ROBO1: variants seen among roughly 807,000 people sequenced by gnomAD.
ROBO1 encodes roundabout homolog 1.
Under a neutral mutation model 195.9 loss-of-function variants are expected in ROBO1, and 149 were observed. The ratio of observed to expected loss-of-function variants is 0.76; its 90% CI spans 0.67 to 0.87. The LOEUF is 0.87. ROBO1 is among the 40% of genes least tolerant of loss of function. The pLI, the probability that ROBO1 is intolerant of heterozygous loss-of-function variation, is 0.00. For synonymous variants in ROBO1, 816 were observed against 733.2 expected (o/e 1.11, Z -1.82); for missense variants, 1,933 against 2,068.3 (o/e 0.93, Z 1.27).
intron 2 of ROBO1, among the ~76,000 whole-genome samples, chr3:79,555,603 C>T (rs1359424932): frequency 2.6e-5 from 4 of 152,096 alleles, no homozygotes; most frequent in Non-Finnish European, 5.9e-5. Flanking sequence ...AGTTTCTGAA[C>T]TGCATTTTCA....
chr3:78,690,426 C>T (rs1350441008), intron 8 of ROBO1, among the ~76,000 whole-genome samples: 1 of 151,946 alleles, frequency 6.6e-6, no homozygotes, highest in Admixed American at 6.6e-5. Flanking sequence ...AGTTTAAGTT[C>T]AATTTGGTAA....
intron 2 of ROBO1, among the ~76,000 whole-genome samples, chr3:79,339,312 T>C (rs888841163): frequency 6.6e-6 from 1 of 152,216 alleles, no homozygotes; most frequent in South Asian, 2.1e-4. Context: ...AAAATCTTTG[T>C]AATGGACCGT....
chr3:78,997,499 G>A (rs984406711), intron 3 of ROBO1, among the ~76,000 whole-genome samples: 3 of 152,090 alleles, frequency 2.0e-5, no homozygotes, highest in African/African-American at 4.8e-5. Context: ...GTCATTAAAT[G>A]TTTGTTCAAT....
At chr3:79,629,004 T>C (rs1469348603) in intron 1 of ROBO1, among the ~76,000 whole-genome samples, 2 of 152,116 alleles carry the variant, frequency 1.3e-5, no homozygotes, top group African/African-American at 4.8e-5. Context: ...ATAAGGCAAA[T>C]GCTACTAGAA....
At chr3:78,843,027 C>T (rs921966592) in intron 4 of ROBO1, among the ~76,000 whole-genome samples, 2 of 151,908 alleles carry the variant, frequency 1.3e-5, no homozygotes, top group East Asian at 1.9e-4. Context: ...CAGCTCAATA[C>T]GATTGAAGTT....
chr3:79,292,855 T>C (rs2032340108), intron 2 of ROBO1, among the ~76,000 whole-genome samples: 1 of 152,218 alleles, frequency 6.6e-6, no homozygotes, highest in South Asian at 2.1e-4. Flanking sequence ...GTTGTGTCTC[T>C]GCCAGGTTTT....
intron 3 of ROBO1, among the ~76,000 whole-genome samples, chr3:79,039,554 T>C (rs964801829): frequency 6.6e-6 from 1 of 152,026 alleles, no homozygotes; most frequent in African/African-American, 2.4e-5. Context: ...TCCTAACACT[T>C]TGGGAGGCCG....
intron 1 of ROBO1, among the ~76,000 whole-genome samples, chr3:79,670,831 A>G (rs1351991175): frequency 6.6e-6 from 1 of 151,860 alleles, no homozygotes; most frequent in Non-Finnish European, 1.5e-5. Flanking sequence ...TTAGGACCCA[A>G]GTCCCTAGGG....
intron 2 of ROBO1, among the ~76,000 whole-genome samples, chr3:79,417,078 C>G (rs569601159): frequency 6.6e-6 from 1 of 152,262 alleles, no homozygotes; most frequent in South Asian, 2.1e-4. Flanking sequence ...AATATTTCCA[C>G]AAATATGTTG....
chr3:79,689,703 TTTAGCAATATA>T (rs1212554861), intron 1 of ROBO1, among the ~76,000 whole-genome samples: 1 of 152,062 alleles, frequency 6.6e-6, no homozygotes, highest in South Asian at 2.1e-4. Flanking sequence ...TCTATTTAAT[TTTAGCAATATA>T]TTAGCAATAT....
intron 4 of ROBO1, among the ~76,000 whole-genome samples, chr3:78,798,047 T>G (rs2108558556): frequency 6.6e-6 from 1 of 152,272 alleles, no homozygotes; most frequent in South Asian, 2.1e-4. Flanking sequence ...TTCCTCACAT[T>G]TTGCACACAA....
chr3:79,436,542 T>G (rs2038895798), intron 2 of ROBO1, among the ~76,000 whole-genome samples: 1 of 152,262 alleles, frequency 6.6e-6, no homozygotes, highest in African/African-American at 2.4e-5. Flanking sequence ...GTTATTTATT[T>G]ATTTTGCTTT....
At chr3:78,794,407 A>G (rs888322092) in intron 4 of ROBO1, among the ~76,000 whole-genome samples, 3 of 152,146 alleles carry the variant, frequency 2.0e-5, no homozygotes, top group African/African-American at 7.2e-5. Flanking sequence ...TTAAAACTTC[A>G]ATTTCTAATA....
chr3:78,646,709 A>C (rs1706317173), intron 20 of ROBO1, among the ~76,000 whole-genome samples: 1 of 151,694 alleles, frequency 6.6e-6, no homozygotes, highest in South Asian at 2.1e-4. Context: ...ATGTATGCCA[A>C]GTTGTGACTA....
At chr3:79,743,971 A>C (rs988590872) in intron 1 of ROBO1, among the ~76,000 whole-genome samples, 2 of 152,140 alleles carry the variant, frequency 1.3e-5, no homozygotes, top group Non-Finnish European at 2.9e-5. Flanking sequence ...TTTTTTTTTA[A>C]GTAGGAGTAC....
At chr3:78,713,131 GATTAA>G (rs574435267) in intron 8 of ROBO1, among the ~76,000 whole-genome samples, 134 of 152,254 alleles carry the variant, frequency 8.8e-4, no homozygotes, top group African/African-American at 2.8e-3. Context: ...GTCTAACTTA[GATTAA>G]AGAGTAGTCT....
chr3:79,479,486 C>T (rs1938722014), intron 2 of ROBO1, among the ~76,000 whole-genome samples: 1 of 152,150 alleles, frequency 6.6e-6, no homozygotes. Flanking sequence ...TAACAGGCCA[C>T]GGACCTGTAC....
chr3:78,609,814 G>T (rs1194053452), intron 28 of ROBO1, among the ~76,000 whole-genome samples: 1 of 152,026 alleles, frequency 6.6e-6, no homozygotes, highest in Non-Finnish European at 1.5e-5. Context: ...GCCCTAAGAA[G>T]CATCAGTTTT....
At chr3:78,688,494 T>C (rs1202707364) in intron 9 of ROBO1, among the ~76,000 whole-genome samples, 154 bp downstream of exon 9, 1 of 152,214 alleles carries the variant, frequency 6.6e-6, no homozygotes, top group Non-Finnish European at 1.5e-5. Flanking sequence ...TTTTGTCTTC[T>C]TTCTCATTGC....
Sources: allele counts gnomAD v4.1 joint callset (sites outside exome capture counted in the v4.1 genomes callset), GRCh38; gene constraint gnomAD v4.1.1; transcripts MANE v1.5; gene names NCBI Gene and HGNC (gene_info 2026-07-23, HGNC 2026-07-21).